CFAP20DC: variants seen among roughly 807,000 people sequenced by gnomAD.
CFAP20DC encodes CFAP20 domain containing.
Under a neutral mutation model 101.7 loss-of-function variants are expected in CFAP20DC, and 84 were observed. The observed-to-expected ratio is 0.83, with a 90% confidence interval of 0.69 to 0.99. The LOEUF (loss-of-function observed/expected upper bound fraction) is 0.99, where lower values mean the gene tolerates loss of function less well. CFAP20DC is among the 50% of genes least tolerant of loss of function. The probability of loss-of-function intolerance (pLI) is 0.00; values close to 1 mark genes in which losing one functional copy is unlikely to be tolerated. For synonymous variants in CFAP20DC, 359 were observed against 351.2 expected, an observed-to-expected ratio of 1.02 and a Z score of -0.25; for missense variants, 1,007 against 970.3, an observed-to-expected ratio of 1.04 and a Z score of -0.50.
chr3:58,821,144 C>G (rs1167365984), intron 14 of CFAP20DC, among the ~76,000 whole-genome samples: 1 of 151,834 alleles, frequency 6.6e-6, no homozygotes, highest in Admixed American at 6.6e-5. Context: ...AAAATCAATT[C>G]AAGATGGATT....
Position 58,861,436 on chromosome 3 carries a change from A to G in CFAP20DC, c.1593+2122T>C. 1.2e-6 allele frequency: 1 copy of G among 865,388 alleles called. No individual in the cohort carries two copies. The highest frequency in any genetic ancestry group is 1.4e-6 in the Non-Finnish European group (1 of 720,686). 53.6% of individuals were successfully genotyped at this position (865,388 alleles called of 1,614,324 possible). The stretch of plus-strand genomic sequence containing the variant: ...AAACTGATTTTTCTTCAAAGACTAT[A>G]TGTAAATAAACATTGTAAATATGTA... On this transcript the variant is annotated intron_variant, in intron 12 of 16. Coordinates refer to ENST00000482387, the MANE Select transcript of CFAP20DC (RefSeq NM_001394063.1). The surrounding 1 kb of genome is among the most constrained non-coding windows in gnomAD (Gnocchi z 4.0).
At position 58,868,352 on chromosome 3, in the gene CFAP20DC, T is replaced by C. The variant is rs1158379442; in HGVS notation, c.1016-416A>G. On this transcript the variant is annotated intron_variant, in intron 9 of 16. Transcript: ENST00000482387. The surrounding 1 kb of genome is among the most constrained non-coding windows in gnomAD (Gnocchi z 4.6). ...AGCTTCCAAAAGAGCCCTGGAGAAC[T>C]GAGGTCAAGCTGAAGAAGAACTTCT... Among the ~76,000 whole-genome samples, 1 of 152,114 alleles carries C rather than the reference T, an allele frequency of 6.6e-6. No homozygotes were observed. Among genetic ancestry groups the C allele is most frequent in the African/African-American group, 2.4e-5 (1 of 41,432 alleles).
intron 4 of CFAP20DC, among the ~76,000 whole-genome samples, chr3:58,940,031 T>A (rs1159357249): frequency 6.6e-6 from 1 of 152,188 alleles, no homozygotes; most frequent in Non-Finnish European, 1.5e-5. Flanking sequence ...CCTCCCAAAA[T>A]GTTGGGATTA....
At position 58,798,103 on chromosome 3, in the gene CFAP20DC, G is replaced by A. The variant is rs371055916; in HGVS notation, c.2237+8292C>T. Among the ~76,000 whole-genome samples the A allele has an allele frequency of 3.1e-4, 47 of 151,008 alleles. No homozygotes were observed. In the South Asian group the frequency reaches 7.9e-3, roughly 25 times the overall value. On this transcript the variant is annotated intron_variant, in intron 15 of 16. Coordinates refer to ENST00000482387, the MANE Select transcript of CFAP20DC (RefSeq NM_001394063.1). ...ACACGACATCTATTCTGCAGCTCAT[G>A]GATCAAGGAGTAATTTAAGCTTTCA...
chr3:59,008,395 G>A lies in CFAP20DC; in HGVS notation c.278+31162C>T, dbSNP rs542488808. 2.0e-5 allele frequency among the ~76,000 whole-genome samples: 3 copies of A among 152,236 alleles called. No homozygotes were observed. In the East Asian group the frequency reaches 5.8e-4, roughly 29 times the overall value. On this transcript the variant is annotated intron_variant, in intron 4 of 16. Coordinates refer to ENST00000482387, the MANE Select transcript of CFAP20DC (RefSeq NM_001394063.1). ...GGCTGGGACCTCAGCCCACCACTGA[G>A]TATTACATCTACCCACCTGCCTTCA...
At chr3:58,816,706 C>T (rs1393800769) in intron 14 of CFAP20DC, among the ~76,000 whole-genome samples, 1 of 152,168 alleles carries the variant, frequency 6.6e-6, no homozygotes, top group East Asian at 1.9e-4. Flanking sequence ...GGAAGCGAGG[C>T]TGGGGGAGGG....
chr3:58,834,855 T>A (rs2076631688), intron 13 of CFAP20DC, among the ~76,000 whole-genome samples: 1 of 152,150 alleles, frequency 6.6e-6, no homozygotes, highest in Non-Finnish European at 1.5e-5. Context: ...ATTTATGAAC[T>A]AAATATATGC....
At chr3:58,945,457 G>A (rs2089214879) in intron 4 of CFAP20DC, among the ~76,000 whole-genome samples, 1 of 151,696 alleles carries the variant, frequency 6.6e-6, no homozygotes, top group African/African-American at 2.4e-5. Context: ...CTTTTGATAG[G>A]TAAAAAAAAG....
chr3:58,890,286 G>A (rs2082060244), intron 6 of CFAP20DC, among the ~76,000 whole-genome samples: 1 of 148,512 alleles, frequency 6.7e-6, no homozygotes, highest in South Asian at 2.1e-4. Flanking sequence ...CCTCCCGGAC[G>A]GGGCGGCTGT....
rs533818118 is a variant in CFAP20DC at position 59,045,954 on chromosome 3, G to A, written c.205+275C>T. On this transcript the variant is annotated intron_variant, in intron 3 of 16. Coordinates refer to ENST00000482387, the MANE Select transcript of CFAP20DC (RefSeq NM_001394063.1). ...GGCACATAGTAAGTGCTCAATAAAT[G>A]CTATTATTATCATAATTAATGGCTG... Among the ~76,000 whole-genome samples the A allele has an allele frequency of 1.9e-4, 29 of 152,110 alleles. No individual in the cohort carries two copies. In the South Asian group the frequency reaches 6.0e-3, roughly 32 times the overall value.
At chr3:58,933,130 T>G (rs1366628012) in intron 5 of CFAP20DC, among the ~76,000 whole-genome samples, 3 of 152,002 alleles carry the variant, frequency 2.0e-5, no homozygotes, top group East Asian at 1.9e-4. Context: ...TCCTAGTCTC[T>G]GATAAAACAG....
chr3:58,982,068 A>T (rs1286931594), intron 4 of CFAP20DC, among the ~76,000 whole-genome samples: 1 of 152,248 alleles, frequency 6.6e-6, no homozygotes, highest in Non-Finnish European at 1.5e-5. Flanking sequence ...GACACTTCTC[A>T]AAAGAAGACA....
At chr3:59,020,869 G>T (rs994284852) in intron 4 of CFAP20DC, among the ~76,000 whole-genome samples, 1 of 152,126 alleles carries the variant, frequency 6.6e-6, no homozygotes, top group Non-Finnish European at 1.5e-5. Context: ...TCACCCTATA[G>T]ATAAAGCAGA....
Position 58,914,513 on chromosome 3 carries a change from C to G in CFAP20DC, c.394-649G>C, listed in dbSNP as rs1405703730. Reference sequence around the variant, plus strand: ...ATGGTTAAAGAAAATGAAAAAAAATCATTTGGCAAGAAACAAAGACATATT... The same window carrying G: ...ATGGTTAAAGAAAATGAAAAAAAATGATTTGGCAAGAAACAAAGACATATT... On this transcript the variant is annotated intron_variant, in intron 5 of 16. Coordinates refer to ENST00000482387, the MANE Select transcript of CFAP20DC (RefSeq NM_001394063.1). The surrounding 1 kb of genome is among the most constrained non-coding windows in gnomAD (Gnocchi z 4.9). 6.6e-6 allele frequency among the ~76,000 whole-genome samples: 1 copy of G among 151,768 alleles called. No homozygotes were observed. The highest frequency in any genetic ancestry group is 1.9e-4 in the East Asian group (1 of 5,182).
intron 15 of CFAP20DC, among the ~76,000 whole-genome samples, chr3:58,757,046 A>T (rs1050998633): frequency 6.6e-6 from 1 of 152,080 alleles, no homozygotes; most frequent in African/African-American, 2.4e-5. Context: ...ATTTTTGTAT[A>T]CTTAGAGGTA....
intron 13 of CFAP20DC, among the ~76,000 whole-genome samples, chr3:58,840,263 G>A (rs1042608642): frequency 6.6e-6 from 1 of 152,124 alleles, no homozygotes; most frequent in Non-Finnish European, 1.5e-5. Context: ...ATATCAGACT[G>A]TTTTCCAAAA....
At chr3:58,843,444 G>A (rs1315495424) in intron 13 of CFAP20DC, among the ~76,000 whole-genome samples, 2 of 151,760 alleles carry the variant, frequency 1.3e-5, no homozygotes, top group African/African-American at 2.4e-5. Context: ...GAAATGAAGC[G>A]AGAAGGGAAG....
chr3:58,770,289 G>A (rs1468155492), intron 15 of CFAP20DC, among the ~76,000 whole-genome samples: 2 of 152,298 alleles, frequency 1.3e-5, no homozygotes, highest in African/African-American at 4.8e-5. Context: ...TATCATCATA[G>A]TTGCTTTATA....
rs538103681 is a variant in CFAP20DC, at chr3:58,924,567, T to C, written c.394-10703A>G. Among the ~76,000 whole-genome samples the C allele has an allele frequency of 7.2e-4, 110 of 152,286 alleles. 1 individual carries two copies. Among genetic ancestry groups the C allele is most frequent in the African/African-American group, 2.5e-3 (106 of 41,572 alleles). On this transcript the variant is annotated intron_variant, in intron 5 of 16. Transcript: ENST00000482387. The stretch of plus-strand genomic sequence containing the variant: ...GGCAGATGTCTTTTTGATATGAGGA[T>C]TTCTTTTCCTTAGGGTAGACATCCA...
Sources: gnomAD v4.1 joint callset for allele counts (sites outside exome capture counted in the v4.1 genomes callset) on GRCh38, gnomAD v4.1.1 for gene constraint, Gnocchi (gnomAD v3.1) non-coding constraint, MANE v1.5 for transcripts, NCBI Gene and HGNC (gene_info 2026-07-23, HGNC 2026-07-21) for gene names.